LINGO2: variants seen among roughly 807,000 people sequenced by gnomAD.
LINGO2 encodes the protein leucine rich repeat and Ig domain containing 2.
A neutral mutation model predicts 30.6 loss-of-function variants in LINGO2; 14 were observed. The ratio of observed to expected loss-of-function variants is 0.46; its 90% confidence interval spans 0.30 to 0.72. The LOEUF (loss-of-function observed/expected upper bound fraction) is 0.72, where lower values mean the gene tolerates loss of function less well. Ranked by LOEUF, LINGO2 falls within the 30% of genes least tolerant of loss-of-function variation. The probability of loss-of-function intolerance (pLI) is 0.07; values close to 1 mark genes in which losing one functional copy is unlikely to be tolerated. For synonymous variants in LINGO2, 317 were observed against 288.5 expected (o/e 1.10, Z -1.00); for missense variants, 729 against 751.7 (o/e 0.97, Z 0.35).
At chr9:28,338,441 T>G (rs1185912572) in intron 3 of LINGO2, among the ~76,000 whole-genome samples, 1 of 152,156 alleles carries the variant, frequency 6.6e-6, no homozygotes, top group East Asian at 1.9e-4. Flanking sequence ...AATGCTGGAA[T>G]GAGTTAAGAC....
At chr9:28,038,432 G>A (rs962650498) in intron 4 of LINGO2, among the ~76,000 whole-genome samples, 53 of 152,026 alleles carry the variant, frequency 3.5e-4, no homozygotes, top group African/African-American at 9.4e-4. Flanking sequence ...GGTGGCTCAC[G>A]CCTGTAATCC....
chr9:28,507,257 G>A (rs1820188967), intron 1 of LINGO2, among the ~76,000 whole-genome samples: 1 of 149,954 alleles, frequency 6.7e-6, no homozygotes, highest in Non-Finnish European at 1.5e-5. Context: ...GCACATGTGT[G>A]TGTAGATAAT....
At chr9:28,417,629 C>T (rs1170305804) in intron 2 of LINGO2, among the ~76,000 whole-genome samples, 1 of 152,152 alleles carries the variant, frequency 6.6e-6, no homozygotes, top group African/African-American at 2.4e-5. Context: ...AGAACTCTCA[C>T]AATCCTTCTC....
intron 1 of LINGO2, among the ~76,000 whole-genome samples, chr9:28,648,357 T>C (rs1049669424): frequency 1.3e-5 from 2 of 152,096 alleles, no homozygotes; most frequent in Non-Finnish European, 1.5e-5. Context: ...CCATACCCTA[T>C]ACATTGCCTA....
intron 2 of LINGO2, among the ~76,000 whole-genome samples, chr9:28,429,258 T>C (rs1004081028): frequency 1.3e-5 from 2 of 152,188 alleles, no homozygotes; most frequent in Non-Finnish European, 1.5e-5. Context: ...AATAAGAATA[T>C]ATTGTATGCT....
the LINGO2 span, among the ~76,000 whole-genome samples, chr9:28,857,751 C>G: frequency 1.3e-5 from 2 of 151,674 alleles, no homozygotes; most frequent in Non-Finnish European, 2.9e-5. Context: ...ATTCTTAAGA[C>G]TTAACATGAA....
intron 4 of LINGO2, among the ~76,000 whole-genome samples, chr9:28,189,581 GAGGGAGGAAGGAAGGA>G (rs1819712973): frequency 1.2e-4 from 1 of 8,656 alleles, no homozygotes; most frequent in Non-Finnish European, 2.2e-4. Flanking sequence ...GGAAGGAAGG[GAGGGAGGAAGGAAGGA>G]AGGGAGGAAG....
chr9:28,385,147 A>T (rs1490794249), intron 2 of LINGO2, among the ~76,000 whole-genome samples: 1 of 152,166 alleles, frequency 6.6e-6, no homozygotes, highest in Non-Finnish European at 1.5e-5. Flanking sequence ...TGCATTGAAG[A>T]CTTCTAAGAA....
At chr9:28,691,393 T>C in the LINGO2 span, among the ~76,000 whole-genome samples, 1 of 152,194 alleles carries the variant, frequency 6.6e-6, no homozygotes, top group East Asian at 1.9e-4. Flanking sequence ...ATGTAGACTT[T>C]TTCATTTTTC....
At chr9:29,179,192 T>TAC in the LINGO2 span, among the ~76,000 whole-genome samples, 29 of 118,960 alleles carry the variant, frequency 2.4e-4, 2 homozygotes, top group African/African-American at 8.2e-4. Context: ...TATATATATA[T>TAC]ATATATATAT....
At chr9:28,512,580 G>C (rs561217630) in intron 1 of LINGO2, among the ~76,000 whole-genome samples, 1 of 87,120 alleles carries the variant, frequency 1.1e-5, no homozygotes, top group Non-Finnish European at 2.1e-5. Flanking sequence ...GAACTAACAG[G>C]ATATATATGT....
At chr9:28,047,034 G>A (rs143365338) in intron 4 of LINGO2, among the ~76,000 whole-genome samples, 1,761 of 152,164 alleles carry the variant, frequency 0.012, 38 homozygotes, top group African/African-American at 0.041. Flanking sequence ...CAGCCCCTAA[G>A]TAATGCTTAG....
At chr9:28,677,356 A>C in the LINGO2 span, among the ~76,000 whole-genome samples, 30 of 152,324 alleles carry the variant, frequency 2.0e-4, no homozygotes, top group African/African-American at 6.7e-4. Context: ...GAAATAGTTG[A>C]GTGAGAAACA....
the LINGO2 span, among the ~76,000 whole-genome samples, chr9:29,161,779 A>T: frequency 6.6e-6 from 1 of 152,232 alleles, no homozygotes; most frequent in Admixed American, 6.5e-5. Context: ...CTGTGTAACA[A>T]GCCACTATAT....
At chr9:28,209,115 A>G (rs1364539451) in intron 4 of LINGO2, among the ~76,000 whole-genome samples, 1 of 152,046 alleles carries the variant, frequency 6.6e-6, no homozygotes, top group African/African-American at 2.4e-5. Context: ...AGCAGTTATG[A>G]AATTGTGCTG....
intron 2 of LINGO2, among the ~76,000 whole-genome samples, chr9:28,406,624 A>T (rs903325957): frequency 6.6e-6 from 1 of 152,104 alleles, no homozygotes; most frequent in African/African-American, 2.4e-5. Context: ...TCCCTACTCT[A>T]TCTCCACCAG....
At chr9:28,559,170 T>C (rs1304003815) in intron 1 of LINGO2, among the ~76,000 whole-genome samples, 1 of 152,132 alleles carries the variant, frequency 6.6e-6, no homozygotes, top group African/African-American at 2.4e-5. Flanking sequence ...AGCACTTTAT[T>C]GGAAGAGTTG....
chr9:28,560,609 A>G (rs1426380815), intron 1 of LINGO2, among the ~76,000 whole-genome samples: 1 of 151,958 alleles, frequency 6.6e-6, no homozygotes, highest in Non-Finnish European at 1.5e-5. Flanking sequence ...GTGTGATTAT[A>G]TATATATTTG....
At chr9:28,872,559 T>C in the LINGO2 span, among the ~76,000 whole-genome samples, 1 of 152,290 alleles carries the variant, frequency 6.6e-6, no homozygotes, top group Non-Finnish European at 1.5e-5. Flanking sequence ...TCACTAGCTG[T>C]TCATGGCAAA....
Sources: allele counts gnomAD v4.1 joint callset (sites outside exome capture counted in the v4.1 genomes callset), GRCh38; gene constraint gnomAD v4.1.1; transcripts MANE v1.5; gene names NCBI Gene and HGNC (gene_info 2026-07-23, HGNC 2026-07-21).